SGCG: variants seen among roughly 807,000 people sequenced by gnomAD.
SGCG encodes the protein gamma-sarcoglycan.
In SGCG, 26 loss-of-function variants were observed where a neutral mutation model predicts 29.3. The observed-to-expected ratio is 0.89, with a 90% CI of 0.65 to 1.23. The LOEUF (loss-of-function observed/expected upper bound fraction) is 1.23. Among genes scored for constraint, SGCG ranks in the 50% most tolerant of loss-of-function variants. The pLI is 0.00. For missense variants in SGCG, 353 were observed against 356.0 expected (o/e 0.99, Z 0.07); for synonymous variants, 145 against 129.7 (o/e 1.12, Z -0.80).
At chr13:23,249,003 A>AG (rs1418707207) in intron 3 of SGCG, among the ~76,000 whole-genome samples, 1 of 147,242 alleles carries the variant, frequency 6.8e-6, no homozygotes, top group Non-Finnish European at 1.5e-5. Context: ...AAAAGAAAAA[A>AG]AAAAAAAAAC....
chr13:23,203,383 G>T (rs1402841321), intron 1 of SGCG, among the ~76,000 whole-genome samples: 1 of 152,136 alleles, frequency 6.6e-6, no homozygotes, highest in Admixed American at 6.5e-5. Flanking sequence ...GAAGAATTCT[G>T]ATAGATAGAT....
At chr13:23,312,061 C>T (rs977115546) in intron 6 of SGCG, among the ~76,000 whole-genome samples, 1 of 152,198 alleles carries the variant, frequency 6.6e-6, no homozygotes, top group Non-Finnish European at 1.5e-5. Context: ...CCATAATCAC[C>T]TTCTGTGTCT....
intron 7 of SGCG, among the ~76,000 whole-genome samples, chr13:23,323,550 G>A (rs9580602): frequency 0.22 from 33,977 of 152,192 alleles, 4,493 homozygotes; most frequent in South Asian, 0.35. Flanking sequence ...AGTGGGCAAC[G>A]TTTGGCTGCT....
At chr13:23,234,978 A>T (rs1252279675) in intron 3 of SGCG, among the ~76,000 whole-genome samples, 1 of 152,164 alleles carries the variant, frequency 6.6e-6, no homozygotes, top group Non-Finnish European at 1.5e-5. Flanking sequence ...AGAAATGAAA[A>T]TTTTTACCAA....
the SGCG span, among the ~76,000 whole-genome samples, chr13:23,162,498 C>T: frequency 6.6e-6 from 1 of 152,116 alleles, no homozygotes; most frequent in Admixed American, 6.6e-5. Flanking sequence ...TGGTGGCAGG[C>T]GCCTGTAGTC....
At chr13:23,316,485 G>A (rs57487402) in intron 6 of SGCG, among the ~76,000 whole-genome samples, 1,920 of 152,252 alleles carry the variant, frequency 0.013, 35 homozygotes, top group African/African-American at 0.044. Flanking sequence ...ATAGAACGGT[G>A]GAATGTTCTT....
In SGCG at chr13:23,279,371, T is replaced by C. The variant is rs778691463; in HGVS notation, c.398T>C (p.Val133Ala). The change falls in exon 5 of 8, where the codon GTA becomes GCA. Residue 133 changes from valine to alanine, a missense_variant. Coordinates refer to ENST00000218867, the MANE Select transcript of SGCG (RefSeq NM_000231.3). ...TGRLKVGPKMVEVQNQQFQIN... is the reference protein window; with the variant it reads ...TGRLKVGPKMAEVQNQQFQIN... ...TTTAATTCTTCAGGTCCCAAAATGG[T>C]AGAAGTCCAGAATCAACAGTTTCAG... The C allele has an allele frequency of 1.2e-6, 2 of 1,613,040 alleles. No homozygotes were observed. Among genetic ancestry groups the C allele is most frequent in the East Asian group, 4.5e-5 (2 of 44,786 alleles).
the SGCG span, among the ~76,000 whole-genome samples, chr13:23,171,658 CAGGA>C: frequency 6.6e-6 from 1 of 152,162 alleles, no homozygotes; most frequent in Non-Finnish European, 1.5e-5. Context: ...GGGATGGTTT[CAGGA>C]TGTAACTGTT....
the SGCG span, among the ~76,000 whole-genome samples, chr13:23,168,029 G>A: frequency 1.3e-4 from 20 of 152,080 alleles, no homozygotes; most frequent in Non-Finnish European, 2.5e-4. Flanking sequence ...GAGTCACTGC[G>A]CCTCGCTCCC....
At chr13:23,164,620 A>G in the SGCG span, among the ~76,000 whole-genome samples, 1 of 152,312 alleles carries the variant, frequency 6.6e-6, no homozygotes, top group Admixed American at 6.5e-5. Context: ...AGCTTCCGTT[A>G]TGGCAGAAGG....
At chr13:23,275,213 T>C (rs1881026490) in intron 4 of SGCG, among the ~76,000 whole-genome samples, 2 of 150,276 alleles carry the variant, frequency 1.3e-5, no homozygotes, top group African/African-American at 2.4e-5. Flanking sequence ...TGGCAGAAGA[T>C]TGGTTAAAAG....
chr13:23,258,989 G>A (rs1475979874), intron 4 of SGCG, among the ~76,000 whole-genome samples: 1 of 152,108 alleles, frequency 6.6e-6, no homozygotes. Flanking sequence ...GTTCATCAGG[G>A]ATATTGGTCT....
rs142353361 is a variant in SGCG, at chr13:23,272,198, C to T, written c.386-7161C>T. On this transcript the variant is annotated intron_variant, in intron 4 of 7. Coordinates refer to ENST00000218867, the MANE Select transcript of SGCG (RefSeq NM_000231.3). ...ACCTCTGCTCCACAATGTTGAGTAG[C>T]AGTGGACAAAGTGGATATCCTTGCC... is the stretch of plus-strand genomic sequence containing the variant. 1.3e-3 allele frequency among the ~76,000 whole-genome samples: 200 copies of T among 152,298 alleles called. 1 individual carries two copies. The highest frequency in any genetic ancestry group is 4.8e-3 in the African/African-American group (199 of 41,556).
At chr13:23,257,030 T>TC (rs1190168558) in intron 4 of SGCG, among the ~76,000 whole-genome samples, 2 of 152,182 alleles carry the variant, frequency 1.3e-5, no homozygotes, top group African/African-American at 2.4e-5. Flanking sequence ...CCACATCCTC[T>TC]CCAGTACCTG....
At chr13:23,224,514 C>T (rs1878815977) in intron 2 of SGCG, among the ~76,000 whole-genome samples, 1 of 152,122 alleles carries the variant, frequency 6.6e-6, no homozygotes, top group Admixed American at 6.6e-5. Context: ...AATGGGCCCC[C>T]AGCACAGAGC....
intron 6 of SGCG, among the ~76,000 whole-genome samples, chr13:23,309,095 T>C (rs1043515154): frequency 6.6e-6 from 1 of 152,172 alleles, no homozygotes; most frequent in East Asian, 1.9e-4. Flanking sequence ...AGGGTGTTTA[T>C]AGTTTTTGTT....
At chr13:23,299,317 C>A (rs2766109) in intron 6 of SGCG, among the ~76,000 whole-genome samples, 55,612 of 148,026 alleles carry the variant, frequency 0.38, 10,965 homozygotes, top group East Asian at 0.79. Context: ...TTCTTGCCAT[C>A]AACTATGTTC....
At position 23,201,763 on chromosome 13, in the gene SGCG, G is replaced by A. The variant is rs183641097; in HGVS notation, c.1-1932G>A. 3.3e-3 allele frequency among the ~76,000 whole-genome samples: 505 copies of A among 152,304 alleles called. 2 individuals carry two copies. The highest frequency in any genetic ancestry group is 0.011 in the African/African-American group (476 of 41,558). ...TGTAGAAATAGAAATATACTCACAT[G>A]TGTTCTTAGAAAACTTTGCTAGTTG... On this transcript the variant is annotated intron_variant, in intron 1 of 7. Transcript: ENST00000218867.
At chr13:23,278,136 A>G (rs929396566) in intron 4 of SGCG, among the ~76,000 whole-genome samples, 1 of 152,090 alleles carries the variant, frequency 6.6e-6, no homozygotes, top group Non-Finnish European at 1.5e-5. Context: ...GCCCAGCCTC[A>G]ACTTACTTTT....
Sources: allele counts gnomAD v4.1 joint callset (sites outside exome capture counted in the v4.1 genomes callset), GRCh38; gene constraint gnomAD v4.1.1; transcripts MANE v1.5; gene names NCBI Gene and HGNC (gene_info 2026-07-23, HGNC 2026-07-21).